MED12L: variants seen among roughly 807,000 people sequenced by gnomAD.
MED12L encodes the protein mediator of RNA polymerase II transcription subunit 12-like protein.
In MED12L, 60 loss-of-function variants were observed where a neutral mutation model predicts 281.3. The observed-to-expected ratio is 0.21, with a 90% CI of 0.17 to 0.26. The LOEUF is 0.26. Among genes scored for constraint, MED12L ranks in the 10% least tolerant of loss-of-function variants. The probability of loss-of-function intolerance (pLI) is 1.00; values close to 1 mark genes in which losing one functional copy is unlikely to be tolerated. For missense variants in MED12L, 2,146 were observed against 2,680.9 expected (o/e 0.80, Z 4.41); for synonymous variants, 974 against 987.2 (o/e 0.99, Z 0.25).
intron 16 of MED12L, among the ~76,000 whole-genome samples, chr3:151,321,947 A>T (rs570416673): frequency 6.6e-6 from 1 of 152,126 alleles, no homozygotes; most frequent in African/African-American, 2.4e-5. Context: ...ATGAGAATGG[A>T]GGCAAGGAAG....
chr3:151,113,909 A>G (rs1388786587), intron 2 of MED12L, among the ~76,000 whole-genome samples: 1 of 152,208 alleles, frequency 6.6e-6, no homozygotes, highest in South Asian at 2.1e-4. Flanking sequence ...CTGGTTCTTA[A>G]AATCTCACAC....
At chr3:151,352,532 G>A (rs1753361967) in intron 17 of MED12L, among the ~76,000 whole-genome samples, 1 of 152,118 alleles carries the variant, frequency 6.6e-6, no homozygotes, top group South Asian at 2.1e-4. Context: ...CATATTAATG[G>A]AAATATGCCC....
At chr3:151,280,568 T>C (rs1742644941) in intron 16 of MED12L, among the ~76,000 whole-genome samples, 1 of 152,054 alleles carries the variant, frequency 6.6e-6, no homozygotes, top group African/African-American at 2.4e-5. Context: ...TACAAACCAG[T>C]GTAGACCTGA....
chr3:151,368,813 G>A (rs1218888822), intron 25 of MED12L, among the ~76,000 whole-genome samples: 2 of 147,770 alleles, frequency 1.4e-5, no homozygotes, highest in Non-Finnish European at 3.0e-5. Context: ...CCAGGCTGGA[G>A]TACAGTGGTG....
chr3:151,271,227 C>G (rs543763787), intron 16 of MED12L, among the ~76,000 whole-genome samples: 1 of 152,116 alleles, frequency 6.6e-6, no homozygotes, highest in Non-Finnish European at 1.5e-5. Context: ...ACAAATAATT[C>G]ACAAAGGAAG....
intron 16 of MED12L, among the ~76,000 whole-genome samples, chr3:151,233,142 A>G (rs780426676): frequency 3.3e-5 from 5 of 151,956 alleles, no homozygotes; most frequent in Non-Finnish European, 7.4e-5. Context: ...GAACATCTCT[A>G]GTTTCTGCAG....
At chr3:151,417,997 C>CACT (rs1717818342) in intron 43 of MED12L, among the ~76,000 whole-genome samples, 1 of 152,094 alleles carries the variant, frequency 6.6e-6, no homozygotes, top group African/African-American at 2.4e-5. Context: ...TTGGATGCAC[C>CACT]ACTGTTAGCT....
chr3:151,165,315 G>A (rs1218261618), intron 9 of MED12L, 105 bp from the exon 10 acceptor site: 15 of 682,452 alleles, frequency 2.2e-5, no homozygotes, highest in Non-Finnish European at 3.4e-5. Context: ...AGTCAAGATT[G>A]TAGTTCACTA....
intron 17 of MED12L, among the ~76,000 whole-genome samples, chr3:151,350,892 A>G (rs1451496877): frequency 6.6e-6 from 1 of 152,160 alleles, no homozygotes; most frequent in Non-Finnish European, 1.5e-5. Context: ...TATCCACTTC[A>G]CGTTTGCCTA....
intron 16 of MED12L, among the ~76,000 whole-genome samples, chr3:151,309,511 T>A (rs1211077300): frequency 6.6e-6 from 1 of 152,216 alleles, no homozygotes; most frequent in East Asian, 1.9e-4. Flanking sequence ...TTATAGTTCC[T>A]GCACCAGACC....
At chr3:151,165,743 T>TA (rs958310277) in intron 10 of MED12L, 103 bp from the exon 11 acceptor site, 296 of 1,259,416 alleles carry the variant, frequency 2.4e-4, no homozygotes, top group African/African-American at 7.4e-4. Flanking sequence ...GAATGATAAT[T>TA]AAAAAAAAAT....
At chr3:151,291,044 C>T (rs1240036999) in intron 16 of MED12L, among the ~76,000 whole-genome samples, 4 of 151,560 alleles carry the variant, frequency 2.6e-5, no homozygotes, top group African/African-American at 7.3e-5. Flanking sequence ...TTTTATATGG[C>T]GTGTGCTTAG....
chr3:151,098,956 A>C (rs1721069355), intron 2 of MED12L, among the ~76,000 whole-genome samples: 1 of 152,212 alleles, frequency 6.6e-6, no homozygotes, highest in East Asian at 1.9e-4. Flanking sequence ...GCCATGTCTT[A>C]CATGGTGGCA....
At chr3:151,286,864 G>A (rs780857409) in intron 16 of MED12L, among the ~76,000 whole-genome samples, 10 of 152,268 alleles carry the variant, frequency 6.6e-5, no homozygotes, top group African/African-American at 9.6e-5. Context: ...TAAAATGATC[G>A]AAAGTGTATG....
Position 151,394,691 on chromosome 3 carries a change from C to G in MED12L, c.5644C>G (p.Pro1882Ala), listed in dbSNP as rs749419311. ...ATTGGACCCTGCAGGCTCCTTTGTC[C>G]CAACCAACACCAAACAAGCTCTGTC... is the stretch of plus-strand genomic sequence containing the variant. ...SRLDPAGSFV[P>A]TNTKQALSNM... is the part of the protein sequence containing the mutation. Residue 1882 changes from proline to alanine, a missense_variant, in exon 39 of 45, where the codon CCA (proline) becomes GCA (alanine). By Grantham distance (27) the Pro-to-Ala change is conservative. Coordinates refer to ENST00000687756, the MANE Select transcript of MED12L (RefSeq NM_001393769.1). 10 of 1,614,142 alleles carry G rather than the reference C, an allele frequency of 6.2e-6. No individual in the cohort carries two copies. Among genetic ancestry groups the G allele is most frequent in the Non-Finnish European group, 8.5e-6 (10 of 1,180,044 alleles).
chr3:151,248,095 A>C (rs1177008021), intron 16 of MED12L, among the ~76,000 whole-genome samples: 1 of 151,770 alleles, frequency 6.6e-6, no homozygotes, highest in Non-Finnish European at 1.5e-5. Flanking sequence ...AAACTACACA[A>C]TAATATTCCT....
At chr3:151,405,131 T>C (rs530333983) in intron 39 of MED12L, among the ~76,000 whole-genome samples, 44 of 152,304 alleles carry the variant, frequency 2.9e-4, no homozygotes, top group Non-Finnish European at 4.6e-4. Flanking sequence ...GGAAGATAGG[T>C]CAGTATTGAA....
chr3:151,223,019 G>A (rs1352724846), intron 16 of MED12L, among the ~76,000 whole-genome samples: 1 of 152,020 alleles, frequency 6.6e-6, no homozygotes, highest in Non-Finnish European at 1.5e-5. Context: ...TATTTACTTA[G>A]AATGTTCCTA....
At chr3:151,226,384 A>G (rs1167625944) in intron 16 of MED12L, among the ~76,000 whole-genome samples, 1 of 152,236 alleles carries the variant, frequency 6.6e-6, no homozygotes, top group Non-Finnish European at 1.5e-5. Flanking sequence ...CCAATGAGTA[A>G]ACGTTTACGT....
Sources: allele counts gnomAD v4.1 joint callset (sites outside exome capture counted in the v4.1 genomes callset), GRCh38; gene constraint gnomAD v4.1.1; transcripts MANE v1.5; gene names NCBI Gene and HGNC (gene_info 2026-07-23, HGNC 2026-07-21).